Variants in DNAJB9 observed in about 807,000 individuals in gnomAD.
DNAJB9 encodes the protein dnaJ homolog subfamily B member 9.
Under a neutral mutation model 19.2 loss-of-function variants are expected in DNAJB9, and 12 were observed. That is an observed-to-expected ratio of 0.62 (90% CI 0.40 to 1.01). The LOEUF (loss-of-function observed/expected upper bound fraction) is 1.01, where lower values mean the gene tolerates loss of function less well. Among genes scored for constraint, DNAJB9 ranks in the 50% least tolerant of loss-of-function variants. The probability of loss-of-function intolerance (pLI) is 0.00; values close to 1 mark genes in which losing one functional copy is unlikely to be tolerated. For synonymous variants in DNAJB9, 83 were observed against 84.0 expected, an observed-to-expected ratio of 0.99 and a Z score of 0.07; for missense variants, 272 against 261.1, an observed-to-expected ratio of 1.04 and a Z score of -0.29.
At chr7:108,571,574 A>G (rs1187318390) in intron 1 of DNAJB9, 143 bp from the exon 2 acceptor site, 5 of 663,086 alleles carry the variant, frequency 7.5e-6, no homozygotes, top group Non-Finnish European at 1.3e-5. Context: ...CTAAAAGTGA[A>G]ATTACATGTG....
intron 1 of DNAJB9, among the ~76,000 whole-genome samples, chr7:108,570,753 C>T (rs914413340): frequency 6.6e-6 from 1 of 152,142 alleles, no homozygotes; most frequent in Non-Finnish European, 1.5e-5. Flanking sequence ...TCAGGAAAGG[C>T]CGCTGGAGAG....
rs1382503156 is a variant in DNAJB9, at chr7:108,574,226, G to A, written c.*873G>A. Reference sequence around the variant, plus strand: ...AGTAATTTCTGTGCAACCTTACTATGTGCAATATTTTTAAATCCTGAGAAA... The same window carrying A: ...AGTAATTTCTGTGCAACCTTACTATATGCAATATTTTTAAATCCTGAGAAA... On this transcript the variant is annotated 3_prime_UTR_variant, in exon 3 of 3. Transcript: ENST00000249356. 1 of 152,520 alleles carries A rather than the reference G, an allele frequency of 6.6e-6. No homozygotes were observed. The highest frequency in any genetic ancestry group is 1.5e-5 in the Non-Finnish European group (1 of 68,000). 9.4% of individuals were successfully genotyped at this position (152,520 alleles called of 1,614,324 possible). A position where few individuals can be genotyped will look rare whatever the true frequency, so the allele number is the denominator to read the frequency against.
Position 108,574,656 on chromosome 7 carries a change from T to C in DNAJB9, c.*1303T>C. 6.6e-6 allele frequency: 1 copy of C among 152,220 alleles called. No individual in the cohort carries two copies. 9.4% of individuals were successfully genotyped at this position (152,220 alleles called of 1,614,324 possible). ...TGTATTTGTTTCCTAGGAGCAAGTGTTCCTGCTGCCAGTTCTTTCCTCTTT... is the reference window on the plus strand; with the variant it reads ...TGTATTTGTTTCCTAGGAGCAAGTGCTCCTGCTGCCAGTTCTTTCCTCTTT... On this transcript the variant is annotated 3_prime_UTR_variant, in exon 3 of 3. Coordinates refer to ENST00000249356, the MANE Select transcript of DNAJB9 (RefSeq NM_012328.3).
Position 108,571,717 on chromosome 7 carries a change from G to A in DNAJB9, c.-10G>A, listed in dbSNP as rs1790623814. 3 of 1,608,700 alleles carry A rather than the reference G, an allele frequency of 1.9e-6. No individual in the cohort carries two copies. ...CATTTTTTTTTCTTTTCTGTTTTAG[G>A]ATATTAGAAATGGCTACTCCCCAGT... On this transcript the variant is annotated splice_region_variant and 5_prime_UTR_variant, in exon 2 of 3. Transcript: ENST00000249356.
rs978666068 is a variant in DNAJB9, at chr7:108,574,096, T to C, written c.*743T>C. 3.3e-5 allele frequency: 5 copies of C among 152,636 alleles called. No individual in the cohort carries two copies. Among genetic ancestry groups the C allele is most frequent in the African/African-American group, 1.2e-4 (5 of 41,446 alleles). The allele number at this position is 152,636 out of a possible 1,614,324, so 9.5% of individuals were successfully genotyped here. ...ATTTCTTTCTTAGTTGTTGGCACTCTTAGGTCTTAGTATGGATTTATGTGT... is the reference window on the plus strand; with the variant it reads ...ATTTCTTTCTTAGTTGTTGGCACTCCTAGGTCTTAGTATGGATTTATGTGT... On this transcript the variant is annotated 3_prime_UTR_variant, in exon 3 of 3. Coordinates refer to ENST00000249356, the MANE Select transcript of DNAJB9 (RefSeq NM_012328.3).
At chr7:108,571,431 A>G (rs568817697) in intron 1 of DNAJB9, among the ~76,000 whole-genome samples, 116 of 152,174 alleles carry the variant, frequency 7.6e-4, no homozygotes, top group Middle Eastern at 3.4e-3. Flanking sequence ...TGAATCTTCA[A>G]TATAAACTGG....
At position 108,573,110 on chromosome 7, in the gene DNAJB9, A is replaced by G. The variant is rs1790645236; in HGVS notation, c.429A>G (p.Thr143=). 2.5e-6 allele frequency: 4 copies of G among 1,614,114 alleles called. No individual in the cohort carries two copies. The highest frequency in any genetic ancestry group is 3.4e-6 in the Non-Finnish European group (4 of 1,179,964). Residue 143 remains threonine (T), a synonymous_variant, in exon 3 of 3, where the codon ACA becomes ACG. Coordinates refer to ENST00000249356, the MANE Select transcript of DNAJB9 (RefSeq NM_012328.3). ...AGCGTTTTGAAAATCATTTCCAGAC[A>G]CGCCAGGATGGTGGTTCCAGTAGAC... ...SKKRFENHFQ[T]RQDGGSSRQR...
rs945176171 is a variant in DNAJB9 at position 108,573,679 on chromosome 7, A to G, written c.*326A>G. 5.3e-6 allele frequency: 1 copy of G among 189,932 alleles called. No individual in the cohort carries two copies. Among genetic ancestry groups the G allele is most frequent in the Non-Finnish European group, 1.1e-5 (1 of 93,376 alleles). The allele number at this position is 189,932 out of a possible 1,614,324, so 11.8% of individuals were successfully genotyped here. ...TATTGAGTTTACCTGATTAAACTTT[A>G]AAAGTTAATTGTAGATTTAAATTGT... On this transcript the variant is annotated 3_prime_UTR_variant, in exon 3 of 3. Transcript: ENST00000249356.
rs557720519 is a variant in DNAJB9 at position 108,570,038 on chromosome 7, G to A, written c.-76G>A. 5.2e-6 allele frequency: 1 copy of A among 191,578 alleles called. No individual in the cohort carries two copies. The highest frequency in any genetic ancestry group is 1.1e-5 in the Non-Finnish European group (1 of 89,816). The allele number at this position is 191,578 out of a possible 1,614,324, so 11.9% of individuals were successfully genotyped here. A position where few individuals can be genotyped will look rare whatever the true frequency, so the allele number is the denominator to read the frequency against. ...GGGGCCGGGCCCAAGCTGCCGACCC[G>A]AGCCGATCGTCAGGGTCGCCAGCGC... On this transcript the variant is annotated 5_prime_UTR_variant, in exon 1 of 3. Coordinates refer to ENST00000249356, the MANE Select transcript of DNAJB9 (RefSeq NM_012328.3).
At chr7:108,572,543 A>G (rs1790634850) in intron 2 of DNAJB9, among the ~76,000 whole-genome samples, 1 of 152,200 alleles carries the variant, frequency 6.6e-6, no homozygotes, top group South Asian at 2.1e-4. Context: ...GTTATAGTTG[A>G]TGGTTTAATT....
rs985539760 is a variant in DNAJB9 at position 108,574,420 on chromosome 7, T to C, written c.*1067T>C. 2 of 152,458 alleles carry C rather than the reference T, an allele frequency of 1.3e-5. No individual in the cohort carries two copies. Among genetic ancestry groups the C allele is most frequent in the African/African-American group, 4.8e-5 (2 of 41,468 alleles). 9.4% of individuals were successfully genotyped at this position (152,458 alleles called of 1,614,324 possible). On this transcript the variant is annotated 3_prime_UTR_variant, in exon 3 of 3. Coordinates refer to ENST00000249356, the MANE Select transcript of DNAJB9 (RefSeq NM_012328.3). ...CAACCTGATATTCGTTGTTGTTTTA[T>C]TGTTAAAAGTTTATTATGCAACTCT...
rs1249790417 is a variant in DNAJB9 at position 108,572,959 on chromosome 7, C to T, written c.278C>T (p.Ala93Val). The T allele has an allele frequency of 6.2e-7, 1 of 1,614,034 alleles. No individual in the cohort carries two copies. The highest frequency in any genetic ancestry group is 1.1e-5 in the South Asian group (1 of 91,082). Residue 93 changes from alanine to valine, a missense_variant, in exon 3 of 3, where the codon GCT becomes GTT. Physicochemically the swap from Ala to Val is moderately conservative, Grantham distance 64. Coordinates refer to ENST00000249356, the MANE Select transcript of DNAJB9 (RefSeq NM_012328.3). The part of the protein sequence containing the change: ...RKEYDTLGHS[A>V]FTSGKGQRGS... ...GAGTATGATACACTTGGACACAGTG[C>T]TTTTACTAGTGGTAAAGGACAAAGA...
Position 108,573,093 on chromosome 7 carries a change from GA to G in DNAJB9, c.416del (p.Asn139IlefsTer104). 6.2e-7 allele frequency: 1 copy of G among 1,614,050 alleles called. No individual in the cohort carries two copies. The highest frequency in any genetic ancestry group is 1.1e-5 in the South Asian group (1 of 91,082). ...NQNTGSKKRF[E>X]NHFQTRQDGG... ...AAACACTGGATCCAAGAAGCGTTTTGAAAATCATTTCCAGACACGCCAGGAT... is the reference window on the plus strand; with the variant it reads ...AAACACTGGATCCAAGAAGCGTTTTGAAATCATTTCCAGACACGCCAGGAT... On this transcript the variant is annotated frameshift_variant, in exon 3 of 3. Transcript: ENST00000249356. LOFTEE classifies it high-confidence loss of function.
chr7:108,571,811 G>A lies in DNAJB9; in HGVS notation c.85G>A (p.Asp29Asn), dbSNP rs1224957593. Reference sequence around the variant, plus strand: ...AATTCTGGCCTCAAAAAGCTACTATGATATCTTAGGTGTGCCAAAATCGGC... The same window carrying A: ...AATTCTGGCCTCAAAAAGCTACTATAATATCTTAGGTGTGCCAAAATCGGC... ...ELILASKSYYDILGVPKSASE... is the reference protein window; with the variant it reads ...ELILASKSYYNILGVPKSASE... The change falls in exon 2 of 3, where the codon GAT (aspartate) becomes AAT (asparagine). Residue 29 changes from aspartate to asparagine, a missense_variant. Coordinates refer to ENST00000249356, the MANE Select transcript of DNAJB9 (RefSeq NM_012328.3). The A allele has an allele frequency of 1.9e-6, 3 of 1,614,092 alleles. No homozygotes were observed. Among genetic ancestry groups the A allele is most frequent in the Non-Finnish European group, 2.5e-6 (3 of 1,180,022 alleles).
chr7:108,571,693 AT>A (rs571581680), intron 1 of DNAJB9, 23 bp from the exon 2 acceptor site: 45 of 1,516,716 alleles, frequency 3.0e-5, no homozygotes, highest in African/African-American at 1.1e-4. Flanking sequence ...CATCCATAAC[AT>A]TTTTTTTTCT....
At position 108,573,254 on chromosome 7, in the gene DNAJB9, G is replaced by C; in HGVS notation, c.573G>C (p.Gln191His). ...ACTCTACCAATCAGCATACAGTACA[G>C]ACTGAAAATAGATTTCATGGATCTA... ...GFDSTNQHTV[Q>H]TENRFHGSSK... Residue 191 changes from glutamine (Q) to histidine (H), a missense_variant, in exon 3 of 3, where the codon CAG becomes CAC. By Grantham distance (24) the Gln-to-His change is conservative. Transcript: ENST00000249356. The C allele has an allele frequency of 6.2e-7, 1 of 1,613,840 alleles. No homozygotes were observed. The highest frequency in any genetic ancestry group is 8.5e-7 in the Non-Finnish European group (1 of 1,179,840).
chr7:108,571,596 G>T, intron 1 of DNAJB9, 121 bp from the exon 2 acceptor site: 1 of 747,692 alleles, frequency 1.3e-6, no homozygotes, highest in Non-Finnish European at 2.2e-6. Flanking sequence ...ACAGGTAATA[G>T]ATACTGTATG....
chr7:108,570,885 C>T (rs1453494835), intron 1 of DNAJB9, among the ~76,000 whole-genome samples: 1 of 152,252 alleles, frequency 6.6e-6, no homozygotes, highest in Non-Finnish European at 1.5e-5. Context: ...CGTTTTGAAT[C>T]TCAAGTCATT....
In DNAJB9 at chr7:108,570,031, C is replaced by G. The variant is rs1790588414; in HGVS notation, c.-83C>G. On this transcript the variant is annotated 5_prime_UTR_variant, in exon 1 of 3. Transcript: ENST00000249356. The stretch of plus-strand genomic sequence containing the variant: ...GCGGTGAGGGGCCGGGCCCAAGCTG[C>G]CGACCCGAGCCGATCGTCAGGGTCG... 2.1e-5 allele frequency: 4 copies of G among 194,354 alleles called. No homozygotes were observed. The South Asian group carries it at 3.3e-4, about 16-fold the overall frequency. The allele number at this position is 194,354 out of a possible 1,614,324, so 12.0% of individuals were successfully genotyped here.
Sources: allele counts gnomAD v4.1 joint callset (sites outside exome capture counted in the v4.1 genomes callset), GRCh38; gene constraint gnomAD v4.1.1; transcripts MANE v1.5; gene names NCBI Gene and HGNC (gene_info 2026-07-23, HGNC 2026-07-21).